The following RFX3 variants were observed in gnomAD, a reference collection of about 807,000 sequenced individuals.
RFX3 encodes the protein transcription factor RFX3.
A neutral mutation model predicts 98.6 loss-of-function variants in RFX3; 14 were observed. The observed-to-expected ratio is 0.14, with a 90% CI of 0.09 to 0.22. The LOEUF is 0.22. Ranked by LOEUF, RFX3 falls within the 10% of genes least tolerant of loss-of-function variation. The probability of loss-of-function intolerance (pLI) is 1.00; values close to 1 mark genes in which losing one functional copy is unlikely to be tolerated. For synonymous variants in RFX3, 383 were observed against 328.4 expected (o/e 1.17, Z -1.80); for missense variants, 639 against 926.9 (o/e 0.69, Z 4.03).
chr9:3,424,862 T>C (rs1843854474), intron 1 of RFX3, among the ~76,000 whole-genome samples: 1 of 152,136 alleles, frequency 6.6e-6, no homozygotes, highest in Admixed American at 6.5e-5. Context: ...ATAATACTAG[T>C]CTCAAGATAA....
intron 1 of RFX3, among the ~76,000 whole-genome samples, chr9:3,476,165 C>CATATATAAT (rs1164935081): frequency 6.7e-6 from 1 of 149,414 alleles, no homozygotes; most frequent in Non-Finnish European, 1.5e-5. Context: ...TAATGATACT[C>CATATATAAT]ATATATAATA....
At chr9:3,417,343 T>A (rs1015491670) in intron 1 of RFX3, among the ~76,000 whole-genome samples, 1 of 152,042 alleles carries the variant, frequency 6.6e-6, no homozygotes, top group Non-Finnish European at 1.5e-5. Flanking sequence ...AAACTGACAT[T>A]TATAGAACAT....
chr9:3,493,168 T>C (rs967071533), intron 1 of RFX3, among the ~76,000 whole-genome samples: 25 of 152,174 alleles, frequency 1.6e-4, no homozygotes, highest in African/African-American at 5.6e-4. Flanking sequence ...AGTTGTTATC[T>C]ACATCTTATC....
intron 2 of RFX3, among the ~76,000 whole-genome samples, chr9:3,382,497 A>T: frequency 6.6e-6 from 1 of 152,156 alleles, no homozygotes; most frequent in East Asian, 1.9e-4. Context: ...ATATCCTACT[A>T]ATTAAAACAA....
intron 11 of RFX3, among the ~76,000 whole-genome samples, chr9:3,269,771 A>C (rs1197137808): frequency 6.6e-6 from 1 of 152,184 alleles, no homozygotes; most frequent in Admixed American, 6.6e-5. Flanking sequence ...CATTACTGCT[A>C]ATGGAAACCG....
intron 4 of RFX3, among the ~76,000 whole-genome samples, chr9:3,302,004 G>A (rs1427421689): frequency 6.6e-6 from 1 of 151,768 alleles, no homozygotes; most frequent in Non-Finnish European, 1.5e-5. Context: ...TTTAATATTA[G>A]TGCTATTCTC....
Position 3,324,586 on chromosome 9 carries a change from TA to T in RFX3, c.474+5672del, listed in dbSNP as rs75741380. On this transcript the variant is annotated intron_variant, in intron 4 of 16. Transcript: ENST00000617270. ...TGCGGCATTTTTCTTACCATTTGTG[TA>T]AAAAAAAAAAAAAGAGAGAGGGAGT... Among the ~76,000 whole-genome samples, 832 of 134,832 alleles carry T rather than the reference TA, an allele frequency of 6.2e-3. 2 individuals are homozygous for T. The highest frequency in any genetic ancestry group is 0.011 in the African/African-American group (418 of 36,706). 88.5% of individuals were successfully genotyped at this position (134,832 alleles called of 152,430 possible).
intron 12 of RFX3, among the ~76,000 whole-genome samples, chr9:3,265,563 C>T (rs763727999): frequency 3.3e-5 from 5 of 152,086 alleles, no homozygotes; most frequent in Non-Finnish European, 7.4e-5. Context: ...AGAAATAGTC[C>T]AATCTTGCTA....
rs571424131 is a variant in RFX3, at chr9:3,398,799, C to A, written c.-8-3203G>T. Among the ~76,000 whole-genome samples the A allele has an allele frequency of 3.3e-5, 5 of 149,878 alleles. No individual in the cohort carries two copies. In the East Asian group the frequency reaches 6.0e-4, roughly 18 times the overall value. On this transcript the variant is annotated intron_variant, in intron 1 of 16. Transcript: ENST00000617270. ...CACTTTGACATCAACTGTTTTAGAT[C>A]AAACACATGCAAGAATGTAAAGAAA... is the stretch of plus-strand genomic sequence containing the variant.
At chr9:3,342,850 C>T (rs946071638) in intron 3 of RFX3, among the ~76,000 whole-genome samples, 2 of 152,142 alleles carry the variant, frequency 1.3e-5, no homozygotes, top group African/African-American at 2.4e-5. Flanking sequence ...GGAAAAACTA[C>T]TGCAAGGAAA....
intron 1 of RFX3, among the ~76,000 whole-genome samples, chr9:3,468,013 C>A (rs184526024): frequency 6.6e-6 from 1 of 152,128 alleles, no homozygotes; most frequent in Admixed American, 6.5e-5. Flanking sequence ...GAAAGATGAT[C>A]GCATTTAACC....
intron 1 of RFX3, among the ~76,000 whole-genome samples, chr9:3,475,119 A>C (rs1294349602): frequency 6.6e-6 from 1 of 151,318 alleles, no homozygotes; most frequent in East Asian, 1.9e-4. Context: ...AAAAAGAAAG[A>C]AAAAGAAAAA....
intron 2 of RFX3, among the ~76,000 whole-genome samples, chr9:3,370,649 TAATA>T (rs1164993894): frequency 6.6e-6 from 1 of 152,100 alleles, no homozygotes; most frequent in Non-Finnish European, 1.5e-5. Flanking sequence ...TCTCAAAACA[TAATA>T]AACTGCATAA....
At chr9:3,497,190 T>G (rs1472906229) in intron 1 of RFX3, among the ~76,000 whole-genome samples, 1 of 152,030 alleles carries the variant, frequency 6.6e-6, no homozygotes, top group Non-Finnish European at 1.5e-5. Context: ...TCAGGCTACT[T>G]AACTGCTAAA....
intron 5 of RFX3, among the ~76,000 whole-genome samples, chr9:3,295,430 T>C (rs1827874610): frequency 6.6e-6 from 1 of 151,966 alleles, no homozygotes; most frequent in Non-Finnish European, 1.5e-5. Context: ...AGAGCAAGGG[T>C]TGACCACCTT....
intron 4 of RFX3, among the ~76,000 whole-genome samples, chr9:3,320,627 T>TAC (rs57819521): frequency 0.12 from 17,871 of 147,222 alleles, 1,148 homozygotes; most frequent in Middle Eastern, 0.19. Flanking sequence ...TGTTTCTATT[T>TAC]ACACACACAC....
At chr9:3,346,484 A>C (rs1834453166) in intron 3 of RFX3, among the ~76,000 whole-genome samples, 183 bp downstream of exon 3, 1 of 152,190 alleles carries the variant, frequency 6.6e-6, no homozygotes, top group African/African-American at 2.4e-5. Context: ...TGAAAGGAAA[A>C]TGAGTGCATA....
At chr9:3,271,388 T>A (rs1048485031) in intron 9 of RFX3, among the ~76,000 whole-genome samples, 1 of 152,054 alleles carries the variant, frequency 6.6e-6, no homozygotes, top group South Asian at 2.1e-4. Context: ...CACTTCTACC[T>A]CTTTTTTCTT....
At chr9:3,341,986 G>A (rs377437525) in intron 3 of RFX3, among the ~76,000 whole-genome samples, 1 of 152,102 alleles carries the variant, frequency 6.6e-6, no homozygotes, top group South Asian at 2.1e-4. Flanking sequence ...CACTTATAGA[G>A]GAAGAAAAGA....
Sources: gnomAD v4.1 joint callset for allele counts (sites outside exome capture counted in the v4.1 genomes callset) on GRCh38, gnomAD v4.1.1 for gene constraint, MANE v1.5 for transcripts, NCBI Gene and HGNC (gene_info 2026-07-23, HGNC 2026-07-21) for gene names.